The following CES5A variants were observed in gnomAD, a reference collection of about 807,000 sequenced individuals.
CES5A encodes the protein carboxylesterase 5A, also known as carboxylesterase 5.
Under a neutral mutation model 62.9 loss-of-function variants are expected in CES5A, and 67 were observed. That is an observed-to-expected ratio of 1.07 (90% CI 0.88 to 1.31). The LOEUF (loss-of-function observed/expected upper bound fraction) is 1.31. Ranked by LOEUF, CES5A falls within the 50% of genes most tolerant of loss-of-function variation. CES5A has a pLI of 0.00. For missense variants in CES5A, 748 were observed against 708.5 expected, an observed-to-expected ratio of 1.06 and a Z score of -0.63; for synonymous variants, 296 against 280.8, an observed-to-expected ratio of 1.05 and a Z score of -0.54.
exon 2 of CES5A, chr16:55,949,843 G>A (rs1402840201): frequency 1.3e-5 from 20 of 1,526,228 alleles, no homozygotes; most frequent in Non-Finnish European, 1.7e-5. Context: ...AAGTTGAGGA[G>A]GCTGGATAAA....
At chr16:55,952,247 T>C (rs572254281) in intron 1 of CES5A, among the ~76,000 whole-genome samples, 38 of 152,250 alleles carry the variant, frequency 2.5e-4, no homozygotes, top group African/African-American at 8.9e-4. Flanking sequence ...GGAGAGGCCA[T>C]ATATCAAAAA....
At chr16:55,899,264 T>C (rs1597140836) in intron 1 of CES5A, among the ~76,000 whole-genome samples, 1 of 152,126 alleles carries the variant, frequency 6.6e-6, no homozygotes, top group East Asian at 1.9e-4. Context: ...TCAGGATAGA[T>C]ACAGGAGTCA....
chr16:55,888,064 C>T (rs140703362), intron 1 of CES5A, among the ~76,000 whole-genome samples: 80 of 152,170 alleles, frequency 5.3e-4, no homozygotes, highest in Middle Eastern at 3.4e-3. Context: ...TGTCCTGGAC[C>T]GTGAAGAAAG....
In CES5A at chr16:55,874,021, C is replaced by T. The variant is rs753086193; in HGVS notation, c.90G>A (p.Gly30=). ...AAPTKGPSAE[G]PQRNTRLGWI... is the part of the protein sequence containing the mutation. Reference sequence around the variant, plus strand: ...ATCCCAGCCTGGTGTTCCTCTGTGGCCCTTCAGCAGAAGGCCCTGCGGGAA... The same window carrying T: ...ATCCCAGCCTGGTGTTCCTCTGTGGTCCTTCAGCAGAAGGCCCTGCGGGAA... The change falls in exon 2 of 13, where the codon GGG becomes GGA. Residue 30 remains glycine (G), a synonymous_variant. Coordinates refer to ENST00000290567, the MANE Select transcript of CES5A (RefSeq NM_001143685.2). 8 of 1,605,918 alleles carry T rather than the reference C, an allele frequency of 5.0e-6. No homozygotes were observed. Among genetic ancestry groups the T allele is most frequent in the African/African-American group, 1.3e-5 (1 of 74,996 alleles).
intron 3 of CES5A, among the ~76,000 whole-genome samples, chr16:55,870,290 G>C (rs1297560359): frequency 6.6e-6 from 1 of 151,756 alleles, no homozygotes; most frequent in Non-Finnish European, 1.5e-5. Flanking sequence ...GAGGAGGTGA[G>C]AGGAGGAGGG....
chr16:55,905,856 A>C (rs1184197660), intron 1 of CES5A, among the ~76,000 whole-genome samples: 1 of 152,204 alleles, frequency 6.6e-6, no homozygotes, highest in Non-Finnish European at 1.5e-5. Flanking sequence ...TACAATGATT[A>C]ATTGAGAAGT....
At chr16:55,869,447 TG>T in intron 4 of CES5A, 163 bp downstream of exon 4, 1 of 1,287,564 alleles carries the variant, frequency 7.8e-7, no homozygotes, top group South Asian at 2.2e-5. Context: ...ACCAACATTT[TG>T]GGATTTATCT....
At chr16:55,882,999 T>C (rs970919332) in intron 1 of CES5A, among the ~76,000 whole-genome samples, 6 of 152,214 alleles carry the variant, frequency 3.9e-5, no homozygotes, top group Non-Finnish European at 7.3e-5. Context: ...TTTCATCCCA[T>C]GTAGATGCGA....
At chr16:55,895,621 T>G (rs1274456430) in intron 1 of CES5A, among the ~76,000 whole-genome samples, 1 of 152,222 alleles carries the variant, frequency 6.6e-6, no homozygotes, top group Non-Finnish European at 1.5e-5. Context: ...CTGTTGCTTT[T>G]TTTGTTTGTT....
intron 1 of CES5A, among the ~76,000 whole-genome samples, chr16:55,907,200 A>C (rs905706412): frequency 2.0e-5 from 3 of 152,220 alleles, no homozygotes; most frequent in Non-Finnish European, 4.4e-5. Context: ...ACTTCATCCC[A>C]TGGGCAATAA....
Position 55,955,994 on chromosome 16 carries a change from T to C in CES5A, c.-109A>G. ...ACATGGTACAGCTGATAAAGAAAAG[T>C]CAAATGAGTTCACCACTTTCCTCTA... On this transcript the variant is annotated 5_prime_UTR_variant, in exon 1 of 14. Transcript: ENST00000521992. The C allele has an allele frequency of 6.7e-6, 8 of 1,187,186 alleles. No individual in the cohort carries two copies. The South Asian group carries it at 1.1e-4, about 17-fold the overall frequency. 73.5% of individuals were successfully genotyped at this position (1,187,186 alleles called of 1,614,324 possible). A position where few individuals can be genotyped will look rare whatever the true frequency, so the allele number is the denominator to read the frequency against.
chr16:55,906,268 G>A (rs1008935881), intron 1 of CES5A, among the ~76,000 whole-genome samples: 7 of 152,196 alleles, frequency 4.6e-5, no homozygotes, highest in Non-Finnish European at 7.3e-5. Flanking sequence ...TTGAGGAGAC[G>A]GGTGTTGATT....
chr16:55,878,943 A>G (rs1275699265), upstream of CES5A, among the ~76,000 whole-genome samples: 2 of 119,374 alleles, frequency 1.7e-5, no homozygotes, highest in Non-Finnish European at 3.4e-5. Context: ...CTCCCACTGC[A>G]CCCCATCACT....
intron 1 of CES5A, among the ~76,000 whole-genome samples, chr16:55,914,820 T>A (rs967298093): frequency 1.6e-4 from 25 of 152,028 alleles, no homozygotes; most frequent in African/African-American, 6.0e-4. Flanking sequence ...CTGGGTGAAA[T>A]CGGAAAAACG....
chr16:55,955,739 C>A (rs1597166758), intron 1 of CES5A: 12 of 1,297,976 alleles, frequency 9.2e-6, no homozygotes, highest in East Asian at 5.1e-5. Flanking sequence ...CCCAGAGAGA[C>A]AAAGTTGGGT....
At chr16:55,887,042 A>G (rs1488040786) in intron 1 of CES5A, among the ~76,000 whole-genome samples, 2 of 152,174 alleles carry the variant, frequency 1.3e-5, no homozygotes, top group East Asian at 1.9e-4. Flanking sequence ...CTTGGTATCA[A>G]CACGCTGCAG....
chr16:55,883,558 C>A (rs1442623795), intron 1 of CES5A, among the ~76,000 whole-genome samples: 1 of 152,206 alleles, frequency 6.6e-6, no homozygotes, highest in Non-Finnish European at 1.5e-5. Flanking sequence ...CAGGTGTGAG[C>A]CACTGCACCC....
At chr16:55,869,915 C>T (rs879163869) in intron 3 of CES5A, among the ~76,000 whole-genome samples, 171 bp from the exon 4 acceptor site, 5 of 152,260 alleles carry the variant, frequency 3.3e-5, no homozygotes, top group Admixed American at 3.3e-4. Context: ...GCTCTGGCAC[C>T]TGAGTGCCTC....
intron 2 of CES5A, among the ~76,000 whole-genome samples, chr16:55,945,046 T>G (rs1165970912): frequency 6.6e-6 from 1 of 152,206 alleles, no homozygotes; most frequent in Non-Finnish European, 1.5e-5. Context: ...TTTCTTCATT[T>G]TAAAATGGGG....
Sources: allele counts gnomAD v4.1 joint callset (sites outside exome capture counted in the v4.1 genomes callset), GRCh38; gene constraint gnomAD v4.1.1; transcripts MANE v1.5; gene names NCBI Gene and HGNC (gene_info 2026-07-23, HGNC 2026-07-21).